R3HDM2: variants seen among roughly 807,000 people sequenced by gnomAD.
The protein encoded by R3HDM2 is R3H domain-containing protein 2.
Under a neutral mutation model 124.5 loss-of-function variants are expected in R3HDM2, and 38 were observed. That is an observed-to-expected ratio of 0.31 (90% CI 0.24 to 0.40). R3HDM2 has a LOEUF of 0.40. Among genes scored for constraint, R3HDM2 ranks in the 10% least tolerant of loss-of-function variants. The pLI is 1.00. For missense variants in R3HDM2, 869 were observed against 1,236.9 expected (o/e 0.70, Z 4.46); for synonymous variants, 391 against 448.0 (o/e 0.87, Z 1.61).
rs540865794 is a variant in R3HDM2 at position 57,387,440 on chromosome 12, G to A, written c.-36+8309C>T. ...ACTGTGACACTCACCGCAAGGGTCC[G>A]TGGCTTCATTCTTGAAGTCAGTGAG... is the stretch of plus-strand genomic sequence containing the variant. On this transcript the variant is annotated intron_variant, in intron 2 of 23. Coordinates refer to ENST00000402412, the MANE Select transcript of R3HDM2 (RefSeq NM_001394031.1). Among the ~76,000 whole-genome samples, 63 of 152,296 alleles carry A rather than the reference G, an allele frequency of 4.1e-4. No individual in the cohort carries two copies. The South Asian group carries it at 0.011, about 27-fold the overall frequency.
intron 1 of R3HDM2, among the ~76,000 whole-genome samples, chr12:57,401,955 GC>G (rs2068087225): frequency 6.6e-6 from 1 of 152,094 alleles, no homozygotes; most frequent in Admixed American, 6.6e-5. Flanking sequence ...CTGCATTCCA[GC>G]CTGGGCAACA....
chr12:57,411,728 A>G (rs1406323080), intron 1 of R3HDM2, among the ~76,000 whole-genome samples: 1 of 152,202 alleles, frequency 6.6e-6, no homozygotes, highest in Non-Finnish European at 1.5e-5. Context: ...ACTTTCTAAA[A>G]CATGAGACCT....
chr12:57,426,675 T>C (rs1031795175), intron 1 of R3HDM2, among the ~76,000 whole-genome samples: 4 of 152,262 alleles, frequency 2.6e-5, no homozygotes, highest in Admixed American at 2.0e-4. Flanking sequence ...GAGATAAGAC[T>C]ACCAATACCA....
intron 2 of R3HDM2, among the ~76,000 whole-genome samples, chr12:57,380,295 A>T (rs1463830056): frequency 6.6e-6 from 1 of 152,186 alleles, no homozygotes; most frequent in Admixed American, 6.6e-5. Flanking sequence ...TTTCTGATGA[A>T]AGTTCATTTC....
At chr12:57,385,399 C>T (rs978998186) in intron 2 of R3HDM2, among the ~76,000 whole-genome samples, 5 of 151,580 alleles carry the variant, frequency 3.3e-5, no homozygotes, top group African/African-American at 9.7e-5. Context: ...CCTGCCACCA[C>T]GCCCAGCTAA....
At chr12:57,316,263 C>T (rs2055000532) in intron 2 of R3HDM2, among the ~76,000 whole-genome samples, 1 of 152,186 alleles carries the variant, frequency 6.6e-6, no homozygotes, top group African/African-American at 2.4e-5. Context: ...TCTTTTGGCG[C>T]TTGCCTTCCC....
intron 1 of R3HDM2, chr12:57,418,415 G>A (rs751735344): frequency 4.0e-5 from 33 of 834,698 alleles, no homozygotes; most frequent in East Asian, 1.2e-4. Flanking sequence ...GCTGCCGTTG[G>A]TCTTTGTCCT....
chr12:57,426,255 G>A (rs991437677), intron 1 of R3HDM2, among the ~76,000 whole-genome samples: 24 of 151,976 alleles, frequency 1.6e-4, no homozygotes, highest in African/African-American at 5.6e-4. Context: ...AATTAATTAA[G>A]GAAAGATAAA....
chr12:57,285,949 C>A (rs1048838489), intron 12 of R3HDM2, among the ~76,000 whole-genome samples: 10 of 152,176 alleles, frequency 6.6e-5, no homozygotes, highest in Admixed American at 6.5e-4. Flanking sequence ...ACCAAACACT[C>A]AAAATGTAGA....
chr12:57,323,540 A>C (rs1470232936), intron 2 of R3HDM2, among the ~76,000 whole-genome samples: 1 of 152,234 alleles, frequency 6.6e-6, no homozygotes, highest in Non-Finnish European at 1.5e-5. Flanking sequence ...TCTGTTCTGT[A>C]ACTGCAAAAG....
chr12:57,374,242 T>A (rs1402622013), intron 2 of R3HDM2, among the ~76,000 whole-genome samples: 1 of 151,806 alleles, frequency 6.6e-6, no homozygotes, highest in African/African-American at 2.4e-5. Flanking sequence ...CACCTGAGGC[T>A]GGGGAGGTCG....
chr12:57,255,598 A>G (rs1202426411), intron 23 of R3HDM2, among the ~76,000 whole-genome samples: 1 of 152,146 alleles, frequency 6.6e-6, no homozygotes, highest in Non-Finnish European at 1.5e-5. Flanking sequence ...AAATCCCAAG[A>G]CAGATCTTGT....
chr12:57,418,616 T>C (rs1302012780), intron 1 of R3HDM2, among the ~76,000 whole-genome samples: 1 of 151,526 alleles, frequency 6.6e-6, no homozygotes, highest in African/African-American at 2.4e-5. Context: ...TGGAGTACAG[T>C]GGTGCGATCT....
intron 2 of R3HDM2, among the ~76,000 whole-genome samples, chr12:57,370,890 A>C (rs914493347): frequency 1.3e-5 from 2 of 152,124 alleles, no homozygotes; most frequent in Non-Finnish European, 2.9e-5. Context: ...TATGGGATTT[A>C]TGCAACCGAG....
chr12:57,318,936 C>G (rs572537905), intron 2 of R3HDM2, among the ~76,000 whole-genome samples: 1 of 152,222 alleles, frequency 6.6e-6, no homozygotes. Context: ...TCCAGAAAAT[C>G]TGGCTTTGTT....
intron 10 of R3HDM2, 102 bp downstream of exon 10, chr12:57,295,297 T>C: frequency 1.3e-6 from 1 of 768,614 alleles, no homozygotes; most frequent in Non-Finnish European, 2.2e-6. Flanking sequence ...TTCTCCGTAC[T>C]AAGATATTTT....
At chr12:57,421,730 G>A (rs1025294853) in intron 1 of R3HDM2, among the ~76,000 whole-genome samples, 5 of 149,668 alleles carry the variant, frequency 3.3e-5, no homozygotes, top group African/African-American at 9.9e-5. Context: ...GGCTAGTCTC[G>A]AACTGGGCTC....
intron 2 of R3HDM2, among the ~76,000 whole-genome samples, chr12:57,324,535 C>T (rs902646073): frequency 2.6e-5 from 4 of 152,202 alleles, no homozygotes; most frequent in African/African-American, 9.6e-5. Flanking sequence ...AGAAATTAGA[C>T]AACAACCTGA....
chr12:57,401,275 C>CT (rs1006178808), intron 1 of R3HDM2, among the ~76,000 whole-genome samples: 3 of 152,082 alleles, frequency 2.0e-5, no homozygotes, highest in African/African-American at 4.8e-5. Context: ...ATGAATGACA[C>CT]TGCGACCACC....
Sources: allele counts gnomAD v4.1 joint callset (sites outside exome capture counted in the v4.1 genomes callset), GRCh38; gene constraint gnomAD v4.1.1; transcripts MANE v1.5; gene names NCBI Gene and HGNC (gene_info 2026-07-23, HGNC 2026-07-21).